Variants in PTPRD observed in about 807,000 individuals in gnomAD.
PTPRD encodes protein tyrosine phosphatase receptor type D.
In PTPRD, 34 loss-of-function variants were observed where a neutral mutation model predicts 214.5. The observed-to-expected ratio is 0.16, with a 90% CI of 0.12 to 0.21. The LOEUF (loss-of-function observed/expected upper bound fraction) is 0.21, where lower values mean the gene tolerates loss of function less well. PTPRD is among the 10% of genes least tolerant of loss of function. PTPRD has a pLI of 1.00. For missense variants in PTPRD, 2,545 were observed against 2,398.7 expected, an observed-to-expected ratio of 1.06 and a Z score of -1.27; for synonymous variants, 1,128 against 845.7, an observed-to-expected ratio of 1.33 and a Z score of -5.79.
In PTPRD at chr9:9,683,799, TA is replaced by T. The variant is rs201770895; in HGVS notation, c.-287+50733del. 1.0e-2 allele frequency among the ~76,000 whole-genome samples: 1,515 copies of T among 151,900 alleles called. 22 individuals carry two copies. Among genetic ancestry groups the T allele is most frequent in the Middle Eastern group, 0.051 (15 of 294 alleles). On this transcript the variant is annotated intron_variant, in intron 7 of 45. Coordinates refer to ENST00000381196, the MANE Select transcript of PTPRD (RefSeq NM_002839.4). ...ATTATGTAATGTATAATTTTATACA[TA>T]AAAAATCATTTTAACGAATTGATAT...
At chr9:8,907,331 G>A (rs949824333) in intron 11 of PTPRD, among the ~76,000 whole-genome samples, 5 of 151,782 alleles carry the variant, frequency 3.3e-5, no homozygotes, top group Admixed American at 2.6e-4. Context: ...TTATAAACAT[G>A]TTCAAGGAAT....
In PTPRD at chr9:9,504,020, T is replaced by A. The variant is rs1404166665; in HGVS notation, c.-237+70712A>T. Among the ~76,000 whole-genome samples the A allele has an allele frequency of 2.6e-5, 4 of 151,744 alleles. No homozygotes were observed. The East Asian group carries it at 5.8e-4, about 22-fold the overall frequency. On this transcript the variant is annotated intron_variant, in intron 8 of 45. Coordinates refer to ENST00000381196, the MANE Select transcript of PTPRD (RefSeq NM_002839.4). ...TTCTCATTATTCCTTTAAAAATCTT[T>A]GTCTTCCTTTACCTCCCCAAATGCA...
chr9:8,620,251 G>A (rs1284947087), intron 14 of PTPRD, among the ~76,000 whole-genome samples: 1 of 151,914 alleles, frequency 6.6e-6, no homozygotes, highest in Non-Finnish European at 1.5e-5. Flanking sequence ...TGCTCATTGA[G>A]AAAAGAAATC....
chr9:10,523,770 T>G (rs1310472379), intron 2 of PTPRD, among the ~76,000 whole-genome samples: 1 of 151,430 alleles, frequency 6.6e-6, no homozygotes, highest in Non-Finnish European at 1.5e-5. Flanking sequence ...ATAAATGATG[T>G]GTCCATTGAT....
chr9:8,635,594 T>C (rs1226403300), intron 13 of PTPRD, among the ~76,000 whole-genome samples: 1 of 152,124 alleles, frequency 6.6e-6, no homozygotes, highest in Non-Finnish European at 1.5e-5. Flanking sequence ...CTGATCACCC[T>C]GTGAGTTCCT....
At chr9:10,351,676 T>TTTA (rs1263306851) in intron 2 of PTPRD, among the ~76,000 whole-genome samples, 1 of 151,732 alleles carries the variant, frequency 6.6e-6, no homozygotes. Flanking sequence ...TTTTTTTTTT[T>TTTA]TAATGACAGA....
chr9:10,330,641 TAAGA>T (rs1161913535), intron 3 of PTPRD, among the ~76,000 whole-genome samples: 13 of 138,770 alleles, frequency 9.4e-5, no homozygotes, highest in African/African-American at 3.2e-4. Context: ...TGGTTTGAAG[TAAGA>T]TTTGGCCACA....
At chr9:10,406,556 A>G (rs1407931) in intron 2 of PTPRD, among the ~76,000 whole-genome samples, 12,707 of 151,624 alleles carry the variant, frequency 0.084, 1,248 homozygotes, top group East Asian at 0.55. Flanking sequence ...CTACTGCAGG[A>G]AAAGACACCA....
chr9:9,119,536 A>ATTT (rs202149992), intron 10 of PTPRD, among the ~76,000 whole-genome samples: 4 of 145,954 alleles, frequency 2.7e-5, no homozygotes, highest in African/African-American at 7.5e-5. Context: ...AGATTCTGTG[A>ATTT]TTTTTTTTTT....
At chr9:10,260,582 T>A (rs1403473912) in intron 3 of PTPRD, among the ~76,000 whole-genome samples, 1 of 152,190 alleles carries the variant, frequency 6.6e-6, no homozygotes, top group African/African-American at 2.4e-5. Context: ...TATTTCCATG[T>A]CCTCAAGAAT....
At chr9:8,467,784 A>T (rs895609916) in intron 31 of PTPRD, among the ~76,000 whole-genome samples, 7 of 100,122 alleles carry the variant, frequency 7.0e-5, no homozygotes, top group Admixed American at 1.0e-4. Flanking sequence ...TATGCTAATT[A>T]AAAAAAATCC....
At chr9:9,777,002 T>C (rs2098803387) in intron 5 of PTPRD, among the ~76,000 whole-genome samples, 1 of 152,210 alleles carries the variant, frequency 6.6e-6, no homozygotes, top group Non-Finnish European at 1.5e-5. Context: ...AAATTGAACA[T>C]CCATGTGAGG....
intron 14 of PTPRD, among the ~76,000 whole-genome samples, chr9:8,597,514 A>C (rs917152925): frequency 2.6e-5 from 4 of 151,818 alleles, no homozygotes; most frequent in Non-Finnish European, 4.4e-5. Context: ...AAAATAAAAC[A>C]AAAAAAAGGA....
intron 14 of PTPRD, among the ~76,000 whole-genome samples, chr9:8,547,114 T>C (rs1336147759): frequency 3.3e-5 from 5 of 152,204 alleles, no homozygotes; most frequent in Non-Finnish European, 7.3e-5. Context: ...CAGGCATAAA[T>C]ATTGTAGATA....
At chr9:8,895,776 C>G (rs924766300) in intron 11 of PTPRD, among the ~76,000 whole-genome samples, 4 of 152,136 alleles carry the variant, frequency 2.6e-5, no homozygotes, top group Non-Finnish European at 5.9e-5. Flanking sequence ...TGTGTAAAGA[C>G]AGGTAGGAAG....
At chr9:8,461,268 A>G (rs113949523) in intron 32 of PTPRD, among the ~76,000 whole-genome samples, 4,585 of 152,204 alleles carry the variant, frequency 0.03, 99 homozygotes, top group Middle Eastern at 0.071. Context: ...AGAACTTAAA[A>G]GAATTCAGCA....
intron 8 of PTPRD, among the ~76,000 whole-genome samples, chr9:9,530,633 C>G (rs2075252886): frequency 6.6e-6 from 1 of 152,076 alleles, no homozygotes; most frequent in Non-Finnish European, 1.5e-5. Context: ...AAATGTCCAT[C>G]AATGGATGAA....
In PTPRD at chr9:10,128,757, T is replaced by C. The variant is rs2098837951; in HGVS notation, c.-544-94967A>G. 3.3e-5 allele frequency among the ~76,000 whole-genome samples: 5 copies of C among 152,142 alleles called. No homozygotes were observed. In the South Asian group the frequency reaches 1.0e-3, roughly 32 times the overall value. ...AGAACTAGTCCAAGTTTCACAACCA[T>C]CACAAACTGTTTTTCTGCTGCCTGA... On this transcript the variant is annotated intron_variant, in intron 3 of 45. Coordinates refer to ENST00000381196, the MANE Select transcript of PTPRD (RefSeq NM_002839.4).
intron 7 of PTPRD, among the ~76,000 whole-genome samples, chr9:9,683,260 A>C (rs2097108075): frequency 6.6e-6 from 1 of 151,752 alleles, no homozygotes; most frequent in Non-Finnish European, 1.5e-5. Context: ...AGTGGTTCCC[A>C]ATTAAAGGAG....
Sources: gnomAD v4.1 joint callset for allele counts (sites outside exome capture counted in the v4.1 genomes callset) on GRCh38, gnomAD v4.1.1 for gene constraint, MANE v1.5 for transcripts, NCBI Gene and HGNC (gene_info 2026-07-23, HGNC 2026-07-21) for gene names.